COL5A1: variants seen among roughly 807,000 people sequenced by gnomAD.
The protein encoded by COL5A1 is collagen alpha-1(V) chain.
In COL5A1, 16 loss-of-function variants were observed where a neutral mutation model predicts 263.7. The ratio of observed to expected loss-of-function variants is 0.06; its 90% CI spans 0.04 to 0.09. The LOEUF is 0.09. Among genes scored for constraint, COL5A1 ranks in the 10% least tolerant of loss-of-function variants. COL5A1 has a pLI of 1.00. For missense variants in COL5A1, 2,036 were observed against 2,540.5 expected (o/e 0.80, Z 4.27); for synonymous variants, 1,012 against 1,004.5 (o/e 1.01, Z -0.14).
In COL5A1 at chr9:134,737,205, C is replaced by T. The variant is rs370140612; in HGVS notation, c.1390-1269C>T. On this transcript the variant is annotated intron_variant, in intron 9 of 65. Transcript: ENST00000371817. ...TGTCCATGCCACACTTTGACCTCTA[C>T]GTGGAGGGCGCCATGGCCGCAGTTC... Among the ~76,000 whole-genome samples the T allele has an allele frequency of 3.3e-4, 50 of 152,344 alleles. No homozygotes were observed. In the South Asian group the frequency reaches 6.0e-3, roughly 18 times the overall value.
chr9:134,764,791 C>G lies in COL5A1; in HGVS notation c.2035-890C>G, dbSNP rs11103512. Among the ~76,000 whole-genome samples the G allele has an allele frequency of 3.9e-3, 599 of 152,260 alleles. 5 individuals carry two copies. Among genetic ancestry groups the G allele is most frequent in the African/African-American group, 0.012 (514 of 41,540 alleles). ...CTCTAAGGAGAATTCATGAACTCCA[C>G]TCTCTCCTTAACACATGTCCAAGTA... On this transcript the variant is annotated intron_variant, in intron 20 of 65. Coordinates refer to ENST00000371817, the MANE Select transcript of COL5A1 (RefSeq NM_000093.5).
At chr9:134,812,077 A>G (rs10776908) in intron 46 of COL5A1, among the ~76,000 whole-genome samples, 67,153 of 151,958 alleles carry the variant, frequency 0.44, 15,174 homozygotes, top group African/African-American at 0.53. Flanking sequence ...GAGTGTGTTG[A>G]ATGCCATTAC....
rs923703006 is a variant in COL5A1 at position 134,730,110 on chromosome 9, C to A, written c.925-126C>A. The stretch of plus-strand genomic sequence containing the variant: ...CTGCACCCAAGAGGTCTCTGGGCCT[C>A]TTGACAGGCCTGGGCTCCAGGCGTT... On this transcript the variant is annotated intron_variant, in intron 6 of 65. Coordinates refer to ENST00000371817, the MANE Select transcript of COL5A1 (RefSeq NM_000093.5). The A allele has an allele frequency of 6.3e-5, 90 of 1,438,324 alleles. No individual in the cohort carries two copies. The Middle Eastern group carries it at 9.7e-4, about 16-fold the overall frequency. The allele number at this position is 1,438,324 out of a possible 1,614,324, so 89.1% of individuals were successfully genotyped here.
chr9:134,744,535 TCACACCCACACATGCACA>T (rs1835413271), intron 11 of COL5A1, among the ~76,000 whole-genome samples: 1 of 132,890 alleles, frequency 7.5e-6, no homozygotes. Flanking sequence ...ACATGCACAC[TCACACCCACACATGCACA>T]CACATCCACA....
intron 21 of COL5A1, 104 bp from the exon 22 acceptor site, chr9:134,766,350 T>C: frequency 1.8e-6 from 2 of 1,131,958 alleles, no homozygotes; most frequent in Non-Finnish European, 2.6e-6. Context: ...CTCTGATTCG[T>C]CGTGGGATGG....
chr9:134,732,988 C>T lies in COL5A1; in HGVS notation c.1389+861C>T, dbSNP rs549039156. Among the ~76,000 whole-genome samples the T allele has an allele frequency of 3.0e-4, 46 of 152,314 alleles. 1 individual carries two copies. Among genetic ancestry groups the T allele is most frequent in the Admixed American group, 2.3e-3 (35 of 15,306 alleles). On this transcript the variant is annotated intron_variant, in intron 9 of 65. Transcript: ENST00000371817. ...GTCCTGCCGCTGCATGTGGTGGGCA[C>T]GACCGGAGAGCAGGGAGGAGCCAGC...
chr9:134,800,949 C>T (rs546314960), intron 37 of COL5A1, among the ~76,000 whole-genome samples: 6 of 152,112 alleles, frequency 3.9e-5, no homozygotes, highest in East Asian at 1.9e-4. Flanking sequence ...TCGAGGCCTC[C>T]GGGTAGAAGG....
chr9:134,816,032 G>A, intron 52 of COL5A1, 44 bp downstream of exon 52: 2 of 1,592,952 alleles, frequency 1.3e-6, no homozygotes, highest in East Asian at 2.2e-5. Context: ...AGGTGTCAGT[G>A]TATTCTTGGG....
rs560557656 is a variant in COL5A1, at chr9:134,754,163, G to T, written c.1774-110G>T. On this transcript the variant is annotated intron_variant, in intron 15 of 65. Transcript: ENST00000371817. The surrounding 1 kb of genome is among the most constrained non-coding windows in gnomAD (Gnocchi z 4.3). Reference sequence around the variant, plus strand: ...TCCCCGAAGTGCCCACATGTTTGTGGCTTGGACAGCCAGGCATGGGCAGGG... The same window carrying T: ...TCCCCGAAGTGCCCACATGTTTGTGTCTTGGACAGCCAGGCATGGGCAGGG... 8.3e-6 allele frequency: 10 copies of T among 1,208,988 alleles called. No individual in the cohort carries two copies. In the South Asian group the frequency reaches 1.2e-4, roughly 15 times the overall value. The allele number at this position is 1,208,988 out of a possible 1,614,324, so 74.9% of individuals were successfully genotyped here.
chr9:134,655,369 CG>C (rs1470441766), intron 1 of COL5A1, among the ~76,000 whole-genome samples: 1 of 151,902 alleles, frequency 6.6e-6, no homozygotes, highest in East Asian at 1.9e-4. Context: ...GGCCCCCAGC[CG>C]GGAGGGTGGA....
At chr9:134,819,155 G>C in intron 57 of COL5A1, 102 bp downstream of exon 57, 1 of 1,239,960 alleles carries the variant, frequency 8.1e-7, no homozygotes, top group South Asian at 1.2e-5. Flanking sequence ...ACCTAAATGT[G>C]TCAAGCACCT....
At chr9:134,807,281 T>G (rs1453784845) in intron 42 of COL5A1, among the ~76,000 whole-genome samples, 1 of 152,204 alleles carries the variant, frequency 6.6e-6, no homozygotes, top group Non-Finnish European at 1.5e-5. Flanking sequence ...GAGTGCTGAT[T>G]GTTAGAAAGC....
intron 22 of COL5A1, 74 bp from the exon 23 acceptor site, chr9:134,766,926 G>A: frequency 7.1e-7 from 1 of 1,404,186 alleles, no homozygotes; most frequent in Non-Finnish European, 1.0e-6. Context: ...GGCCAGTGAG[G>A]GGGCACACGA....
rs1835931047 is a variant in COL5A1, at chr9:134,755,400, C to T, written c.1827+1074C>T. 6.6e-6 allele frequency among the ~76,000 whole-genome samples: 1 copy of T among 152,142 alleles called. No homozygotes were observed. Among genetic ancestry groups the T allele is most frequent in the Non-Finnish European group, 1.5e-5 (1 of 68,042 alleles). On this transcript the variant is annotated intron_variant, in intron 16 of 65. Transcript: ENST00000371817. The surrounding 1 kb of genome is among the most constrained non-coding windows in gnomAD (Gnocchi z 4.1). Reference sequence around the variant, plus strand: ...AAATGCTGTCTAACATGGCCAGCTGCAGAGTTGCATGGTGTCGGGGCCATG... The same window carrying T: ...AAATGCTGTCTAACATGGCCAGCTGTAGAGTTGCATGGTGTCGGGGCCATG...
At chr9:134,786,827 G>A (rs907110176) in intron 31 of COL5A1, among the ~76,000 whole-genome samples, 3 of 152,154 alleles carry the variant, frequency 2.0e-5, no homozygotes, top group Non-Finnish European at 4.4e-5. Context: ...GCCTCTGCCC[G>A]AGGCATCTCC....
At chr9:134,705,701 G>A (rs902500380) in intron 4 of COL5A1, among the ~76,000 whole-genome samples, 1 of 152,318 alleles carries the variant, frequency 6.6e-6, no homozygotes, top group South Asian at 2.1e-4. Flanking sequence ...GGCGGTGAGA[G>A]CTGCTCTCTG....
At chr9:134,685,606 T>TCCAG (rs1564386806) in intron 1 of COL5A1, among the ~76,000 whole-genome samples, 1 of 58,878 alleles carries the variant, frequency 1.7e-5, no homozygotes, top group African/African-American at 7.2e-5. Context: ...CATCCATCCA[T>TCCAG]CATCCATCCA....
At chr9:134,650,696 G>A (rs184468442) in intron 1 of COL5A1, among the ~76,000 whole-genome samples, 67 of 152,384 alleles carry the variant, frequency 4.4e-4, no homozygotes, top group Admixed American at 9.8e-4. Context: ...CCTTTGGGAT[G>A]CATGCGCCTG....
intron 26 of COL5A1, among the ~76,000 whole-genome samples, chr9:134,773,944 T>C (rs1171521250): frequency 1.3e-5 from 2 of 152,000 alleles, no homozygotes; most frequent in Non-Finnish European, 2.9e-5. Flanking sequence ...CTGCCTCCAG[T>C]GGGGAGTTTA....
Sources: gnomAD v4.1 joint callset for allele counts (sites outside exome capture counted in the v4.1 genomes callset) on GRCh38, gnomAD v4.1.1 for gene constraint, Gnocchi (gnomAD v3.1) non-coding constraint, MANE v1.5 for transcripts, NCBI Gene and HGNC (gene_info 2026-07-23, HGNC 2026-07-21) for gene names.